Variants in TMC1 observed in about 807,000 individuals in gnomAD.
TMC1 encodes the protein transmembrane channel like 1.
A neutral mutation model predicts 105.8 loss-of-function variants in TMC1; 84 were observed. The observed-to-expected ratio is 0.79, with a 90% CI of 0.67 to 0.95. The LOEUF (loss-of-function observed/expected upper bound fraction) is 0.95, where lower values mean the gene tolerates loss of function less well. TMC1 is among the 40% of genes least tolerant of loss of function. The pLI, the probability that TMC1 is intolerant of heterozygous loss-of-function variation, is 0.00. For missense variants in TMC1, 817 were observed against 914.1 expected (o/e 0.89, Z 1.37); for synonymous variants, 315 against 311.5 (o/e 1.01, Z -0.12).
chr9:72,710,981 T>G (rs914241280), intron 8 of TMC1, among the ~76,000 whole-genome samples: 1 of 152,156 alleles, frequency 6.6e-6, no homozygotes, highest in African/African-American at 2.4e-5. Flanking sequence ...TGTGTTCTCA[T>G]TGTTCAACTC....
chr9:72,774,733 A>G (rs1827981007), intron 13 of TMC1, among the ~76,000 whole-genome samples: 2 of 152,204 alleles, frequency 1.3e-5, no homozygotes, highest in South Asian at 4.1e-4. Flanking sequence ...AAGACAACTC[A>G]AAAACAATAC....
intron 17 of TMC1, among the ~76,000 whole-genome samples, chr9:72,802,079 T>C (rs1828482457): frequency 6.6e-6 from 1 of 152,008 alleles, no homozygotes; most frequent in Non-Finnish European, 1.5e-5. Flanking sequence ...TGATGCTAGT[T>C]ATTAGAATCT....
At chr9:72,735,139 A>G (rs996801471) in intron 8 of TMC1, among the ~76,000 whole-genome samples, 1 of 152,214 alleles carries the variant, frequency 6.6e-6, no homozygotes, top group Non-Finnish European at 1.5e-5. Flanking sequence ...TTATTTATCA[A>G]TGAGTCTGGG....
chr9:72,574,416 G>C (rs1465003731), intron 1 of TMC1, among the ~76,000 whole-genome samples: 1 of 152,192 alleles, frequency 6.6e-6, no homozygotes, highest in African/African-American at 2.4e-5. Context: ...GTGCTATCAG[G>C]AAAGCAAGGC....
At chr9:72,617,147 C>G (rs1355714401) in intron 3 of TMC1, among the ~76,000 whole-genome samples, 2 of 151,924 alleles carry the variant, frequency 1.3e-5, no homozygotes, top group Non-Finnish European at 2.9e-5. Context: ...TATGTGGTCT[C>G]TCTCTCTTTT....
intron 18 of TMC1, among the ~76,000 whole-genome samples, chr9:72,809,252 A>C (rs377560128): frequency 9.8e-5 from 15 of 152,382 alleles, no homozygotes; most frequent in African/African-American, 3.4e-4. Flanking sequence ...ACCTGGATGC[A>C]TAAAAGCTGT....
intron 8 of TMC1, among the ~76,000 whole-genome samples, chr9:72,702,688 T>C (rs1165468723): frequency 6.6e-6 from 1 of 151,978 alleles, no homozygotes. Flanking sequence ...GGTGACACAT[T>C]GGTACCAGTT....
chr9:72,641,524 T>A (rs993342839), intron 4 of TMC1, among the ~76,000 whole-genome samples: 1 of 152,228 alleles, frequency 6.6e-6, no homozygotes, highest in East Asian at 1.9e-4. Flanking sequence ...ATGTAATTTG[T>A]GGAACTTAGT....
chr9:72,757,624 T>C (rs945250046), intron 12 of TMC1, among the ~76,000 whole-genome samples: 2 of 152,212 alleles, frequency 1.3e-5, no homozygotes, highest in Non-Finnish European at 2.9e-5. Context: ...CTGAAAGTGA[T>C]TTTATCCAAT....
chr9:72,579,691 AAC>A (rs1824444368), intron 2 of TMC1, among the ~76,000 whole-genome samples: 1 of 152,198 alleles, frequency 6.6e-6, no homozygotes, highest in South Asian at 2.1e-4. Context: ...CAATCTTCAC[AAC>A]AGTCTTATGC....
intron 5 of TMC1, among the ~76,000 whole-genome samples, chr9:72,680,003 G>A (rs199673716): frequency 3.1e-5 from 1 of 32,246 alleles, no homozygotes; most frequent in African/African-American, 4.4e-4. Context: ...ATACAAAGAC[G>A]GGGGCAGAAA....
chr9:72,717,190 G>A (rs751796784), intron 8 of TMC1, among the ~76,000 whole-genome samples: 13 of 152,174 alleles, frequency 8.5e-5, no homozygotes, highest in African/African-American at 1.2e-4. Flanking sequence ...CTGCAGACTG[G>A]AGCTGTTCTT....
At chr9:72,828,166 C>T (rs1250539938) in intron 21 of TMC1, among the ~76,000 whole-genome samples, 1 of 152,138 alleles carries the variant, frequency 6.6e-6, no homozygotes, top group Non-Finnish European at 1.5e-5. Context: ...GATAATTAAA[C>T]AGTAAATCAG....
At chr9:72,524,106 G>A (rs1295913402) in intron 1 of TMC1, among the ~76,000 whole-genome samples, 4 of 152,186 alleles carry the variant, frequency 2.6e-5, no homozygotes, top group Non-Finnish European at 4.4e-5. Flanking sequence ...ATAGACTGTA[G>A]CATCTTTTAT....
At position 72,821,003 on chromosome 9, in the gene TMC1, T is replaced by A; in HGVS notation, c.1925T>A (p.Leu642His). 1 of 1,614,184 alleles carries A rather than the reference T, an allele frequency of 6.2e-7. No individual in the cohort carries two copies. Among genetic ancestry groups the A allele is most frequent in the Non-Finnish European group, 8.5e-7 (1 of 1,180,008 alleles). ...SNNFYLGMLLLILFLSTMPVL... is the reference protein window; with the variant it reads ...SNNFYLGMLLHILFLSTMPVL... ...AACTTCTACCTGGGCATGCTACTGC[T>A]CATCCTCTTCCTGTCCACAATGCCT... is the stretch of plus-strand genomic sequence containing the variant. Residue 642 changes from leucine to histidine, a missense_variant, in exon 20 of 24, where the codon CTC (leucine) becomes CAC (histidine). Transcript: ENST00000297784.
chr9:72,768,053 G>T (rs1827866171), intron 12 of TMC1, among the ~76,000 whole-genome samples: 1 of 152,134 alleles, frequency 6.6e-6, no homozygotes, highest in African/African-American at 2.4e-5. Flanking sequence ...ATTCACAATA[G>T]CAAAGACTTG....
chr9:72,584,045 C>CA (rs1824513322), intron 2 of TMC1, among the ~76,000 whole-genome samples: 1 of 152,134 alleles, frequency 6.6e-6, no homozygotes, highest in Non-Finnish European at 1.5e-5. Flanking sequence ...TAACAGTACT[C>CA]AGTCTTTCTA....
rs567978652 is a variant in TMC1, at chr9:72,784,620, CT to C, written c.885-3718del. The stretch of plus-strand genomic sequence containing the variant: ...TATCAAAGGAGTAGAAATCATTGTA[CT>C]ATAAAGACACATGTACTCATATGTT... On this transcript the variant is annotated intron_variant, in intron 13 of 23. Coordinates refer to ENST00000297784, the MANE Select transcript of TMC1 (RefSeq NM_138691.3). 2.0e-5 allele frequency among the ~76,000 whole-genome samples: 3 copies of C among 152,234 alleles called. No individual in the cohort carries two copies. In the South Asian group the frequency reaches 6.2e-4, roughly 32 times the overall value.
In TMC1 at chr9:72,795,509, A is replaced by G. The variant is rs958363476; in HGVS notation, c.1566+3157A>G. On this transcript the variant is annotated intron_variant, in intron 17 of 23. Coordinates refer to ENST00000297784, the MANE Select transcript of TMC1 (RefSeq NM_138691.3). ...CCTATATTCAACATTCTTAAAGAAA[A>G]AAAATCTTCAACCAAGAATTTCATA... Among the ~76,000 whole-genome samples, 4 of 152,208 alleles carry G rather than the reference A, an allele frequency of 2.6e-5. No homozygotes were observed. The South Asian group carries it at 8.3e-4, about 32-fold the overall frequency.
Sources: allele counts gnomAD v4.1 joint callset (sites outside exome capture counted in the v4.1 genomes callset), GRCh38; gene constraint gnomAD v4.1.1; transcripts MANE v1.5; gene names NCBI Gene and HGNC (gene_info 2026-07-23, HGNC 2026-07-21).